NAALADL2: variants seen among roughly 807,000 people sequenced by gnomAD.
The protein encoded by NAALADL2 is inactive N-acetylated-alpha-linked acidic dipeptidase-like protein 2.
In NAALADL2, 76 loss-of-function variants were observed where a neutral mutation model predicts 87.2. That is an observed-to-expected ratio of 0.87 (90% confidence interval 0.72 to 1.05). The LOEUF is 1.05. NAALADL2 is among the 50% of genes least tolerant of loss of function. The probability of loss-of-function intolerance (pLI) is 0.00; values close to 1 mark genes in which losing one functional copy is unlikely to be tolerated. For missense variants in NAALADL2, 1,089 were observed against 945.8 expected (o/e 1.15, Z -1.99); for synonymous variants, 354 against 331.0 (o/e 1.07, Z -0.75).
At chr3:175,497,869 GT>G (rs2149360590) in intron 9 of NAALADL2, among the ~76,000 whole-genome samples, 1 of 152,176 alleles carries the variant, frequency 6.6e-6, no homozygotes, top group South Asian at 2.1e-4. Flanking sequence ...GAGATAAATA[GT>G]TTTGTTTTGT....
intron 1 of NAALADL2, among the ~76,000 whole-genome samples, chr3:174,465,676 C>A (rs1716491168): frequency 6.6e-6 from 1 of 152,098 alleles, no homozygotes; most frequent in African/African-American, 2.4e-5. Flanking sequence ...AATGTTATGT[C>A]CATTTTCTGA....
intron 1 of NAALADL2, among the ~76,000 whole-genome samples, chr3:174,475,459 T>G (rs1186446195): frequency 2.1e-5 from 1 of 46,964 alleles, no homozygotes; most frequent in Non-Finnish European, 3.5e-5. Context: ...ATTGTGTAAT[T>G]TTTTTTTTAG....
rs531034257 is a variant in NAALADL2, at chr3:174,628,308, T to C, written c.-115+77671T>C. On this transcript the variant is annotated intron_variant, in intron 2 of 3. Coordinates refer to the NAALADL2 transcript ENST00000434257. Reference sequence around the variant, plus strand: ...CTGGCCAACATGGTGAAATCCCGTCTCTATTAAAAATACAAAAAATTAGCT... The same window carrying C: ...CTGGCCAACATGGTGAAATCCCGTCCCTATTAAAAATACAAAAAATTAGCT... 2.6e-5 allele frequency among the ~76,000 whole-genome samples: 4 copies of C among 151,936 alleles called. No homozygotes were observed. In the South Asian group the frequency reaches 6.2e-4, roughly 24 times the overall value.
At chr3:175,501,814 A>T (rs1007400493) in intron 9 of NAALADL2, among the ~76,000 whole-genome samples, 1 of 152,166 alleles carries the variant, frequency 6.6e-6, no homozygotes, top group African/African-American at 2.4e-5. Context: ...AATATAAAAA[A>T]TTAAGACTCA....
intron 1 of NAALADL2, among the ~76,000 whole-genome samples, chr3:175,092,942 C>T (rs924038640): frequency 1.3e-5 from 2 of 151,808 alleles, no homozygotes; most frequent in African/African-American, 4.8e-5. Flanking sequence ...CACAATATAA[C>T]ATGTAAGGGT....
Position 175,553,950 on chromosome 3 carries a change from G to T in NAALADL2, c.1654-22091G>T, listed in dbSNP as rs182879369. On this transcript the variant is annotated intron_variant, in intron 9 of 13. Transcript: ENST00000454872. Reference sequence around the variant, plus strand: ...TCAGGTGATATACAGGGTAAATAAAGAAGTAAACACAACATTATCAACTGA... The same window carrying T: ...TCAGGTGATATACAGGGTAAATAAATAAGTAAACACAACATTATCAACTGA... 3.8e-4 allele frequency among the ~76,000 whole-genome samples: 58 copies of T among 152,180 alleles called. No individual in the cohort carries two copies. The East Asian group carries it at 0.011, about 29-fold the overall frequency.
intron 10 of NAALADL2, among the ~76,000 whole-genome samples, chr3:175,615,302 C>T (rs1725178083): frequency 6.6e-6 from 1 of 152,084 alleles, no homozygotes; most frequent in African/African-American, 2.4e-5. Flanking sequence ...GATTTCTTCA[C>T]CCTTGTAAGC....
chr3:175,568,120 T>A (rs1439196915), intron 9 of NAALADL2, among the ~76,000 whole-genome samples: 3 of 152,108 alleles, frequency 2.0e-5, no homozygotes, highest in South Asian at 2.1e-4. Context: ...TTTAATTTTT[T>A]TTTTTTTACT....
At chr3:175,483,011 A>C (rs1726729359) in intron 9 of NAALADL2, among the ~76,000 whole-genome samples, 1 of 151,954 alleles carries the variant, frequency 6.6e-6, no homozygotes, top group East Asian at 1.9e-4. Flanking sequence ...CTGTTCCTTA[A>C]AATAAACATA....
At chr3:175,784,665 C>A (rs1430918938) in intron 13 of NAALADL2, among the ~76,000 whole-genome samples, 1 of 138,348 alleles carries the variant, frequency 7.2e-6, no homozygotes, top group Non-Finnish European at 1.5e-5. Context: ...CTCCTGGATT[C>A]ATTAATTTTT....
chr3:175,049,702 G>C (rs941776307), intron 1 of NAALADL2, among the ~76,000 whole-genome samples: 2 of 152,146 alleles, frequency 1.3e-5, no homozygotes, highest in Admixed American at 6.5e-5. Context: ...ATCCCTAGCT[G>C]ACTTCTCTCT....
At chr3:175,673,746 C>T (rs1282714149) in intron 11 of NAALADL2, among the ~76,000 whole-genome samples, 1 of 151,824 alleles carries the variant, frequency 6.6e-6, no homozygotes, top group African/African-American at 2.4e-5. Flanking sequence ...TAGATTCTCA[C>T]TATAAAAATT....
At chr3:175,383,129 A>T (rs768529627) in intron 5 of NAALADL2, among the ~76,000 whole-genome samples, 29 of 152,186 alleles carry the variant, frequency 1.9e-4, no homozygotes, top group Middle Eastern at 3.4e-3. Flanking sequence ...ATGATCACAT[A>T]AGAGTAATTG....
At chr3:175,759,068 C>T (rs545041951) in intron 13 of NAALADL2, among the ~76,000 whole-genome samples, 14 of 152,180 alleles carry the variant, frequency 9.2e-5, no homozygotes, top group African/African-American at 3.4e-4. Flanking sequence ...TCCCAATGAT[C>T]TGGAAACAGA....
At chr3:175,286,434 A>G (rs1461219002) in intron 4 of NAALADL2, among the ~76,000 whole-genome samples, 1 of 152,132 alleles carries the variant, frequency 6.6e-6, no homozygotes, top group Non-Finnish European at 1.5e-5. Flanking sequence ...AGGCCTTGGC[A>G]TTTACCCAGA....
chr3:175,219,570 G>C (rs1743028675), intron 2 of NAALADL2, among the ~76,000 whole-genome samples: 1 of 151,966 alleles, frequency 6.6e-6, no homozygotes, highest in Non-Finnish European at 1.5e-5. Flanking sequence ...CTCGTTAGCG[G>C]TTTCTCTTTT....
chr3:175,023,697 A>G lies in NAALADL2; in HGVS notation c.44-73093A>G, dbSNP rs76335393. ...TCTTGACATCACTAATAACAATGAA[A>G]TGCTTCATACTAGAATGCAAAATAC... On this transcript the variant is annotated intron_variant, in intron 1 of 13. Coordinates refer to ENST00000454872, the MANE Select transcript of NAALADL2 (RefSeq NM_207015.3). Among the ~76,000 whole-genome samples, 1,499 of 152,226 alleles carry G rather than the reference A, an allele frequency of 9.8e-3. 33 individuals are homozygous for G. The highest frequency in any genetic ancestry group is 0.034 in the African/African-American group (1,417 of 41,568).
rs764036813 is a variant in NAALADL2, at chr3:175,256,420, A to G, written c.829A>G (p.Ile277Val). The change falls in exon 4 of 14, where the codon ATC becomes GTC. Residue 277 changes from isoleucine (I) to valine (V), a missense_variant. Transcript: ENST00000454872. ...TTTTCTCCTCTTTCAGGCTGAAGTC[A>G]TCGATGTGAGTTATGGAATGGCAGA... Reference protein sequence around the residue: ...SAKGTLKAEVIDVSYGMADDL... With the variant: ...SAKGTLKAEVVDVSYGMADDL... 6 of 1,610,024 alleles carry G rather than the reference A, an allele frequency of 3.7e-6. No individual in the cohort carries two copies. Among genetic ancestry groups the G allele is most frequent in the Non-Finnish European group, 5.1e-6 (6 of 1,178,222 alleles).
At chr3:175,455,174 A>C (rs1722144874) in intron 6 of NAALADL2, among the ~76,000 whole-genome samples, 1 of 151,844 alleles carries the variant, frequency 6.6e-6, no homozygotes, top group Admixed American at 6.6e-5. Flanking sequence ...GAAAATAAAT[A>C]CTCCAGTCTT....
Sources: gnomAD v4.1 joint callset for allele counts (sites outside exome capture counted in the v4.1 genomes callset) on GRCh38, gnomAD v4.1.1 for gene constraint, MANE v1.5 for transcripts, NCBI Gene and HGNC (gene_info 2026-07-23, HGNC 2026-07-21) for gene names.